The following PPP3CA variants were observed in gnomAD, a reference collection of about 807,000 sequenced individuals.
PPP3CA encodes the protein CAM-PRP catalytic subunit.
A neutral mutation model predicts 66.5 loss-of-function variants in PPP3CA; 14 were observed. The ratio of observed to expected loss-of-function variants is 0.21; its 90% CI spans 0.14 to 0.33. PPP3CA has a LOEUF of 0.33. Ranked by LOEUF, PPP3CA falls within the 10% of genes least tolerant of loss-of-function variation. The pLI, the probability that PPP3CA is intolerant of heterozygous loss-of-function variation, is 1.00. For missense variants in PPP3CA, 317 were observed against 639.5 expected, an observed-to-expected ratio of 0.50 and a Z score of 5.44; for synonymous variants, 232 against 226.2, an observed-to-expected ratio of 1.03 and a Z score of -0.23.
In PPP3CA at chr4:101,189,754, A is replaced by G. The variant is rs116969594; in HGVS notation, c.259+6162T>C. Among the ~76,000 whole-genome samples the G allele has an allele frequency of 2.7e-3, 408 of 151,532 alleles. 8 individuals carry two copies. The East Asian group carries it at 0.039, about 14-fold the overall frequency. On this transcript the variant is annotated intron_variant, in intron 2 of 13. Transcript: ENST00000394854. ...GTTAGCTTTAAAACAAAAACAACTC[A>G]GTTTATCCCCCAAAAAACTATAAAA...
chr4:101,298,716 C>A (rs973431003), intron 1 of PPP3CA, among the ~76,000 whole-genome samples: 1 of 151,966 alleles, frequency 6.6e-6, no homozygotes, highest in African/African-American at 2.4e-5. Flanking sequence ...TTTATGTTAT[C>A]CATCAGGCTT....
intron 11 of PPP3CA, among the ~76,000 whole-genome samples, chr4:101,039,158 T>C (rs1173354791): frequency 6.9e-6 from 1 of 145,016 alleles, no homozygotes; most frequent in Non-Finnish European, 1.5e-5. Context: ...TCCTCAAAAC[T>C]GCCAGTTTTG....
In PPP3CA at chr4:101,025,820, CAAAAAAAAAAAAAAAAAA is replaced by C. The variant is rs35434632; in HGVS notation, c.*27_*44del. The C allele has an allele frequency of 3.3e-5, 16 of 479,362 alleles. No homozygotes were observed. Among genetic ancestry groups the C allele is most frequent in the South Asian group, 2.0e-4 (7 of 35,490 alleles). 29.7% of individuals were successfully genotyped at this position (479,362 alleles called of 1,614,324 possible). A position where few individuals can be genotyped will look rare whatever the true frequency, so the allele number is the denominator to read the frequency against. Reference sequence around the variant, plus strand: ...GCAATCCCCATCATGCCCCGCAGCTCAAAAAAAAAAAAAAAAAAAAAAAAAAAAAGTGAACAGGAAGTG... The same window carrying C: ...GCAATCCCCATCATGCCCCGCAGCTCAAAAAAAAAAAGTGAACAGGAAGTG... On this transcript the variant is annotated 3_prime_UTR_variant, in exon 14 of 14. Transcript: ENST00000394854.
At chr4:101,174,997 A>T (rs978990240) in intron 2 of PPP3CA, among the ~76,000 whole-genome samples, 1 of 152,134 alleles carries the variant, frequency 6.6e-6, no homozygotes, top group Non-Finnish European at 1.5e-5. Context: ...GTTCAGGGGG[A>T]AGTCAGAGGA....
intron 8 of PPP3CA, among the ~76,000 whole-genome samples, chr4:101,073,077 G>A (rs971040759): frequency 1.3e-5 from 2 of 151,780 alleles, no homozygotes; most frequent in East Asian, 3.9e-4. Flanking sequence ...GCAATGAGAG[G>A]AGACATTCTG....
At chr4:101,336,266 G>T (rs1430234626) in intron 1 of PPP3CA, among the ~76,000 whole-genome samples, 3 of 151,038 alleles carry the variant, frequency 2.0e-5, no homozygotes, top group Non-Finnish European at 3.0e-5. Context: ...GGAATAGCTA[G>T]AAGACTTAAG....
At chr4:101,057,297 T>C (rs1368049075) in intron 10 of PPP3CA, among the ~76,000 whole-genome samples, 2 of 152,188 alleles carry the variant, frequency 1.3e-5, no homozygotes, top group Non-Finnish European at 2.9e-5. Flanking sequence ...CCTCAAGTGA[T>C]CTGCCGGCCT....
In PPP3CA at chr4:101,341,707, T is replaced by C. The variant is rs142453374; in HGVS notation, c.58+5032A>G. Among the ~76,000 whole-genome samples, 869 of 152,306 alleles carry C rather than the reference T, an allele frequency of 5.7e-3. 17 individuals are homozygous for C. The highest frequency in any genetic ancestry group is 0.02 in the African/African-American group (819 of 41,560). On this transcript the variant is annotated intron_variant, in intron 1 of 13. Coordinates refer to ENST00000394854, the MANE Select transcript of PPP3CA (RefSeq NM_000944.5). ...AGTTAGCCTGTGAAGTTATAACATA[T>C]ACCAGTGGAATTACAGAAAGCTGAA...
intron 2 of PPP3CA, among the ~76,000 whole-genome samples, chr4:101,174,699 G>A (rs999964399): frequency 6.6e-6 from 1 of 152,172 alleles, no homozygotes; most frequent in African/African-American, 2.4e-5. Flanking sequence ...GACATGAAGT[G>A]TAAGTCTGGG....
intron 1 of PPP3CA, among the ~76,000 whole-genome samples, chr4:101,298,326 T>TA (rs771481063): frequency 6.8e-6 from 1 of 147,012 alleles, no homozygotes; most frequent in Non-Finnish European, 1.5e-5. Flanking sequence ...ACAATACCTA[T>TA]ACCAAGCAGG....
chr4:101,124,713 G>GA (rs371259156), intron 2 of PPP3CA, among the ~76,000 whole-genome samples: 1 of 89,412 alleles, frequency 1.1e-5, no homozygotes, highest in South Asian at 3.7e-4. Flanking sequence ...AAGAAAGAAA[G>GA]AAAGAAAGAA....
At chr4:101,143,081 G>C (rs1722861274) in intron 2 of PPP3CA, among the ~76,000 whole-genome samples, 1 of 152,136 alleles carries the variant, frequency 6.6e-6, no homozygotes. Context: ...TCAGCACATA[G>C]TTTAATTTCT....
At chr4:101,284,359 A>T (rs1257212138) in intron 1 of PPP3CA, among the ~76,000 whole-genome samples, 1 of 151,152 alleles carries the variant, frequency 6.6e-6, no homozygotes, top group Admixed American at 6.6e-5. Flanking sequence ...TCACAGAATC[A>T]TGGAATTTAA....
chr4:101,026,372 C>T (rs1354342043), intron 13 of PPP3CA, among the ~76,000 whole-genome samples: 1 of 152,196 alleles, frequency 6.6e-6, no homozygotes, highest in East Asian at 1.9e-4. Context: ...AAGAGGAAAG[C>T]TGCTTTCAGG....
chr4:101,264,995 G>A (rs1407724527), intron 1 of PPP3CA, among the ~76,000 whole-genome samples: 3 of 152,024 alleles, frequency 2.0e-5, no homozygotes. Flanking sequence ...CTTCAGCTCT[G>A]GTCTAGACGA....
intron 2 of PPP3CA, among the ~76,000 whole-genome samples, chr4:101,131,146 G>A (rs908313539): frequency 6.6e-6 from 1 of 151,944 alleles, no homozygotes; most frequent in African/African-American, 2.4e-5. Flanking sequence ...TGAGGCAGGA[G>A]AACTGCTTGA....
intron 1 of PPP3CA, among the ~76,000 whole-genome samples, chr4:101,221,779 A>C (rs1356110675): frequency 6.6e-6 from 1 of 151,568 alleles, no homozygotes; most frequent in Non-Finnish European, 1.5e-5. Flanking sequence ...CTTATTGTAC[A>C]AAAATAATAT....
chr4:101,029,720 T>C (rs1726851818), intron 12 of PPP3CA, among the ~76,000 whole-genome samples: 1 of 151,282 alleles, frequency 6.6e-6, no homozygotes, highest in Non-Finnish European at 1.5e-5. Context: ...ACAGGGAGAT[T>C]CAAATTTAAA....
intron 1 of PPP3CA, among the ~76,000 whole-genome samples, chr4:101,228,448 T>G (rs1725851825): frequency 6.6e-6 from 1 of 151,602 alleles, no homozygotes; most frequent in Admixed American, 6.6e-5. Flanking sequence ...ACATGGAAAC[T>G]TAATAACCAA....
Sources: gnomAD v4.1 joint callset for allele counts (sites outside exome capture counted in the v4.1 genomes callset) on GRCh38, gnomAD v4.1.1 for gene constraint, MANE v1.5 for transcripts, NCBI Gene and HGNC (gene_info 2026-07-23, HGNC 2026-07-21) for gene names.